Variants in MTFR2 observed in about 807,000 individuals in gnomAD.
MTFR2 encodes mitochondrial fission regulator 2.
MTFR2 carries 44 observed loss-of-function variants against 41.2 expected under a neutral mutation model. That is an observed-to-expected ratio of 1.07 (90% CI 0.84 to 1.37). MTFR2 has a LOEUF of 1.37. MTFR2 is among the 40% of genes most tolerant of loss of function. The pLI is 0.00. For synonymous variants in MTFR2, 141 were observed against 154.6 expected (o/e 0.91, Z 0.65); for missense variants, 452 against 459.5 (o/e 0.98, Z 0.15).
intron 5 of MTFR2, among the ~76,000 whole-genome samples, chr6:136,240,948 G>T (rs565254936): frequency 6.6e-6 from 1 of 152,106 alleles, no homozygotes; most frequent in South Asian, 2.1e-4. Flanking sequence ...AAAATTAGCC[G>T]AGCGTGGTGG....
At chr6:136,242,678 AAAAAAAAAACAACTG>A (rs1416174159) in intron 4 of MTFR2, among the ~76,000 whole-genome samples, 168 bp downstream of exon 4, 1 of 148,106 alleles carries the variant, frequency 6.8e-6, no homozygotes, top group African/African-American at 2.5e-5. Flanking sequence ...AATGTGCACT[AAAAAAAAAACAACTG>A]GCTAAAAAAA....
Position 136,242,879 on chromosome 6 carries a change from GCTT to G in MTFR2, c.260_262del (p.Glu87del), listed in dbSNP as rs1490099720. 12 of 1,611,952 alleles carry G rather than the reference GCTT, an allele frequency of 7.4e-6. No homozygotes were observed. Among genetic ancestry groups the G allele is most frequent in the East Asian group, 2.2e-5 (1 of 44,842 alleles). On this transcript the variant is annotated inframe_deletion, in exon 4 of 8. Transcript: ENST00000420702. ...AAATTACCGAAATCTGAGATAACTG[GCTT>G]CTTCATCATTTGCCACATACAAAAT...
At chr6:136,236,995 T>C (rs1185927439) in intron 6 of MTFR2, among the ~76,000 whole-genome samples, 1 of 152,162 alleles carries the variant, frequency 6.6e-6, no homozygotes, top group Admixed American at 6.5e-5. Flanking sequence ...AGTGAGAGCA[T>C]GGGGCGTGGG....
intron 7 of MTFR2, 60 bp from the exon 8 acceptor site, chr6:136,231,448 G>A (rs1223572160): frequency 1.2e-5 from 13 of 1,082,764 alleles, no homozygotes; most frequent in Admixed American, 1.1e-4. Flanking sequence ...AAAAAAGAAT[G>A]GCAAGACAAA....
intron 7 of MTFR2, among the ~76,000 whole-genome samples, chr6:136,232,137 T>TCAA (rs1009088354): frequency 9.9e-5 from 15 of 152,192 alleles, no homozygotes; most frequent in African/African-American, 2.7e-4. Flanking sequence ...ATTTTCTAAG[T>TCAA]CAACATGCTA....
chr6:136,239,630 A>C lies in MTFR2; in HGVS notation c.705T>G (p.Asn235Lys). ...CFPPVQPGSNNICDSDNPATE... is the reference protein window; with the variant it reads ...CFPPVQPGSNKICDSDNPATE... ...TTGCTGGATTATCTGAGTCACAAATATTATTAGATCCTGGTTGTACGGGAG... is the reference window on the plus strand; with the variant it reads ...TTGCTGGATTATCTGAGTCACAAATCTTATTAGATCCTGGTTGTACGGGAG... The change falls in exon 6 of 8, where the codon AAT becomes AAG. Residue 235 changes from asparagine to lysine, a missense_variant. Asn to Lys is a moderately conservative substitution (Grantham distance 94, BLOSUM62 0). Transcript: ENST00000420702. 6.2e-7 allele frequency: 1 copy of C among 1,614,040 alleles called. No homozygotes were observed. Among genetic ancestry groups the C allele is most frequent in the Non-Finnish European group, 8.5e-7 (1 of 1,180,024 alleles).
intron 2 of MTFR2, among the ~76,000 whole-genome samples, chr6:136,247,796 T>G (rs1271050129): frequency 6.6e-6 from 1 of 152,220 alleles, no homozygotes; most frequent in East Asian, 1.9e-4. Context: ...TCTCGATTAC[T>G]GATATTTAGA....
chr6:136,239,219 T>C (rs1289746771), intron 6 of MTFR2, among the ~76,000 whole-genome samples: 2 of 152,140 alleles, frequency 1.3e-5, no homozygotes, highest in Non-Finnish European at 2.9e-5. Context: ...TATCCTACAA[T>C]TGGAAGTCAA....
In MTFR2 at chr6:136,239,552, A is replaced by C; in HGVS notation, c.783T>G (p.His261Gln). 6.2e-7 allele frequency: 1 copy of C among 1,614,128 alleles called. No individual in the cohort carries two copies. Among genetic ancestry groups the C allele is most frequent in the Non-Finnish European group, 8.5e-7 (1 of 1,179,990 alleles). ...PAANKTNYSH[H>Q]SKSQRNKDIP... ...TATCTTTATTTCTCTGGCTTTTTGA[A>C]TGATGACTATAATTGGTCTTATTAG... The change falls in exon 6 of 8, where the codon CAT becomes CAG. Residue 261 changes from histidine (H) to glutamine (Q), a missense_variant. Coordinates refer to ENST00000420702, the MANE Select transcript of MTFR2 (RefSeq NM_001099286.3).
In MTFR2 at chr6:136,231,350, A is replaced by G. The variant is rs1779749213; in HGVS notation, c.1083T>C (p.Thr361=). The G allele has an allele frequency of 6.2e-7, 1 of 1,612,408 alleles. No individual in the cohort carries two copies. Among genetic ancestry groups the G allele is most frequent in the Admixed American group, 1.7e-5 (1 of 59,916 alleles). ...CTTTTGTGTTGACCATTTCTTCTTT[A>G]GTTCGCTGTCCTTCTGACTGTGAAA... is the stretch of plus-strand genomic sequence containing the variant. ...HHISQSEGQR[T]KEEMVNTKAV... The change falls in exon 8 of 8, where the codon ACT becomes ACC. Residue 361 remains threonine, a synonymous_variant. Coordinates refer to ENST00000420702, the MANE Select transcript of MTFR2 (RefSeq NM_001099286.3).
rs2128459155 is a variant in MTFR2, at chr6:136,244,791, C to T, written c.142G>A (p.Glu48Lys). ...VRIIGKMLPLEPCRRPNFELI... is the reference protein window; with the variant it reads ...VRIIGKMLPLKPCRRPNFELI... ...TCAAAATTAGGTCTTCGACAAGGTT[C>T]CAGTGGAAGCATTTTCCCAATAATA... The change falls in exon 3 of 8, where the codon GAA becomes AAA. Residue 48 changes from glutamate (E) to lysine (K), a missense_variant. Transcript: ENST00000420702. 6.2e-7 allele frequency: 1 copy of T among 1,612,406 alleles called. No homozygotes were observed. The highest frequency in any genetic ancestry group is 8.5e-7 in the Non-Finnish European group (1 of 1,179,274).
At chr6:136,243,672 G>A (rs1412488572) in intron 3 of MTFR2, among the ~76,000 whole-genome samples, 14 of 150,336 alleles carry the variant, frequency 9.3e-5, no homozygotes, top group African/African-American at 1.5e-4. Context: ...GTTATCACGC[G>A]ACTCCACTTC....
At chr6:136,241,044 T>C (rs1780056179) in intron 5 of MTFR2, among the ~76,000 whole-genome samples, 1 of 148,350 alleles carries the variant, frequency 6.7e-6, no homozygotes, top group South Asian at 2.1e-4. Context: ...TGAGCCAAGA[T>C]CGTGCCACTG....
At chr6:136,243,364 A>G (rs1337693357) in intron 3 of MTFR2, among the ~76,000 whole-genome samples, 2 of 152,206 alleles carry the variant, frequency 1.3e-5, no homozygotes, top group Non-Finnish European at 2.9e-5. Context: ...CCTAGTATTT[A>G]CTATATTATA....
intron 4 of MTFR2, among the ~76,000 whole-genome samples, chr6:136,242,298 T>C (rs1780101340): frequency 6.6e-6 from 1 of 152,186 alleles, no homozygotes; most frequent in Admixed American, 6.5e-5. Context: ...GCAATTGTTC[T>C]ACTTATTAAC....
rs1297391190 is a variant in MTFR2, at chr6:136,241,480, C to T, written c.478G>A (p.Val160Met). The T allele has an allele frequency of 6.2e-7, 1 of 1,613,800 alleles. No individual in the cohort carries two copies. The highest frequency in any genetic ancestry group is 8.5e-7 in the Non-Finnish European group (1 of 1,179,944). Residue 160 changes from valine to methionine, a missense_variant, in exon 5 of 8, where the codon GTG becomes ATG. Physicochemically the swap from Val to Met is conservative, Grantham distance 21. Transcript: ENST00000420702. ...CTATTTTTCAGTTCCTGCATTTCCA[C>T]AATTGCTGCAATCTGAGAGCGAAGA... ...TFLRSQIAAI[V>M]EMQELKNSTN...
chr6:136,244,776 G>T lies in MTFR2; in HGVS notation c.157C>A (p.Pro53Thr), dbSNP rs748237317. The T allele has an allele frequency of 6.2e-7, 1 of 1,609,660 alleles. No individual in the cohort carries two copies. The change falls in exon 3 of 8, where the codon CCT (proline) becomes ACT (threonine). Residue 53 changes from proline (P) to threonine (T), a missense_variant. Physicochemically the swap from Pro to Thr is conservative, Grantham distance 38 (BLOSUM62 -1). Transcript: ENST00000420702. ...KMLPLEPCRR[P>T]NFELIPLLNS... ...GTTGACTGACTTACCTCAAAATTAG[G>T]TCTTCGACAAGGTTCCAGTGGAAGC... is the stretch of plus-strand genomic sequence containing the variant.
In MTFR2 at chr6:136,245,691, C is replaced by T. The variant is rs1193593416; in HGVS notation, c.64-822G>A. The stretch of plus-strand genomic sequence containing the variant: ...AAATAAACTGTGGGTTGTGCACCTG[C>T]GTTTTGATTGTGACCCATCATGTGA... On this transcript the variant is annotated intron_variant, in intron 2 of 7. Transcript: ENST00000420702. 3.9e-5 allele frequency among the ~76,000 whole-genome samples: 6 copies of T among 152,130 alleles called. No homozygotes were observed. The South Asian group carries it at 8.3e-4, about 21-fold the overall frequency.
At chr6:136,243,068 A>T in intron 3 of MTFR2, 95 bp from the exon 4 acceptor site, 1 of 686,918 alleles carries the variant, frequency 1.5e-6, no homozygotes. Flanking sequence ...AATCCAAAAG[A>T]AAGAAAAATA....
Sources: allele counts gnomAD v4.1 joint callset (sites outside exome capture counted in the v4.1 genomes callset), GRCh38; gene constraint gnomAD v4.1.1; transcripts MANE v1.5; gene names NCBI Gene and HGNC (gene_info 2026-07-23, HGNC 2026-07-21).